NOSTRIN: variants seen among roughly 807,000 people sequenced by gnomAD.
The protein encoded by NOSTRIN is BM247 homolog.
NOSTRIN carries 63 observed loss-of-function variants against 59.0 expected under a neutral mutation model. The ratio of observed to expected loss-of-function variants is 1.07; its 90% CI spans 0.87 to 1.32. The LOEUF (loss-of-function observed/expected upper bound fraction) is 1.32, where lower values mean the gene tolerates loss of function less well. Ranked by LOEUF, NOSTRIN falls within the 40% of genes most tolerant of loss-of-function variation. The pLI is 0.00. For synonymous variants in NOSTRIN, 200 were observed against 165.4 expected (o/e 1.21, Z -1.61); for missense variants, 512 against 473.1 (o/e 1.08, Z -0.76).
intron 14 of NOSTRIN, 33 bp downstream of exon 14, chr2:168,860,942 G>A (rs1427105876): frequency 2.1e-6 from 3 of 1,406,412 alleles, no homozygotes; most frequent in Non-Finnish European, 3.0e-6. Context: ...TTTGGCCTGG[G>A]TCCTACTGGC....
In NOSTRIN at chr2:168,865,122, T is replaced by A; in HGVS notation, c.*152T>A. On this transcript the variant is annotated 3_prime_UTR_variant, in exon 16 of 16. Coordinates refer to ENST00000317647, the MANE Select transcript of NOSTRIN (RefSeq NM_001039724.4). ...CACAGCACTTTGCATTCATGATTAT[T>A]AGCTTGAAACAGTCAGAAAAAAGAT... 1.2e-6 allele frequency: 1 copy of A among 803,722 alleles called. No individual in the cohort carries two copies. The highest frequency in any genetic ancestry group is 1.9e-6 in the Non-Finnish European group (1 of 522,284). 49.8% of individuals were successfully genotyped at this position (803,722 alleles called of 1,614,324 possible).
At chr2:168,827,099 C>A (rs2105627407) in intron 3 of NOSTRIN, among the ~76,000 whole-genome samples, 1 of 152,286 alleles carries the variant, frequency 6.6e-6, no homozygotes, top group East Asian at 1.9e-4. Context: ...GGAGGCAAAA[C>A]CTCTGTACCA....
At position 168,824,303 on chromosome 2, in the gene NOSTRIN, A is replaced by AT. The variant is rs111709283; in HGVS notation, c.114-318dup. 7.9e-3 allele frequency among the ~76,000 whole-genome samples: 1,153 copies of AT among 146,296 alleles called. 18 individuals are homozygous for AT. Among genetic ancestry groups the AT allele is most frequent in the African/African-American group, 0.023 (910 of 40,074 alleles). ...GCTTGATTTCCAGCCAGCATAATCAATTTTTTTTTTTTTGAGATGGAGTCT... is the reference window on the plus strand; with the variant it reads ...GCTTGATTTCCAGCCAGCATAATCAATTTTTTTTTTTTTTGAGATGGAGTCT... On this transcript the variant is annotated intron_variant, in intron 2 of 15. Coordinates refer to ENST00000317647, the MANE Select transcript of NOSTRIN (RefSeq NM_001039724.4).
chr2:168,834,499 G>GCACACACACACACA lies in NOSTRIN; in HGVS notation c.504+175_504+176insACACACACACACAC, dbSNP rs1352968254. Among the ~76,000 whole-genome samples the GCACACACACACACA allele has an allele frequency of 6.4e-3, 184 of 28,584 alleles. No homozygotes were observed. In the South Asian group the frequency reaches 0.15, roughly 24 times the overall value. The allele number at this position is 28,584 out of a possible 152,430, so 18.8% of individuals were successfully genotyped here. On this transcript the variant is annotated intron_variant, in intron 7 of 15. Coordinates refer to ENST00000317647, the MANE Select transcript of NOSTRIN (RefSeq NM_001039724.4). ...CAAATCATTACTGGCGTGCGCGCGC[G>GCACACACACACACA]CGCGCGCGCACACACACACACACAC...
chr2:168,861,033 G>C, intron 14 of NOSTRIN, 124 bp downstream of exon 14: 1 of 618,130 alleles, frequency 1.6e-6, no homozygotes, highest in Non-Finnish European at 2.9e-6. Flanking sequence ...ATTTCCATTG[G>C]GACCGATTAA....
chr2:168,846,954 A>C (rs1338022430), intron 8 of NOSTRIN, among the ~76,000 whole-genome samples: 1 of 152,188 alleles, frequency 6.6e-6, no homozygotes, highest in South Asian at 2.1e-4. Context: ...TGAAAAAGGT[A>C]ATTTCCTTTC....
At chr2:168,804,302 C>T (rs1685736726) in intron 1 of NOSTRIN, among the ~76,000 whole-genome samples, 1 of 152,128 alleles carries the variant, frequency 6.6e-6, no homozygotes, top group African/African-American at 2.4e-5. Context: ...GACTCCTGTC[C>T]TTGTCTAAAA....
intron 1 of NOSTRIN, among the ~76,000 whole-genome samples, chr2:168,804,956 A>T (rs1252237488): frequency 6.6e-6 from 1 of 152,216 alleles, no homozygotes; most frequent in Non-Finnish European, 1.5e-5. Flanking sequence ...ATTCACCCTG[A>T]CTTCAAAATG....
intron 7 of NOSTRIN, among the ~76,000 whole-genome samples, chr2:168,837,555 C>T (rs888838591): frequency 2.0e-5 from 3 of 152,034 alleles, no homozygotes; most frequent in South Asian, 2.1e-4. Context: ...GTGATCCGCC[C>T]GCCTCGGCCT....
At chr2:168,861,114 C>CT (rs1559144567) in intron 14 of NOSTRIN, among the ~76,000 whole-genome samples, 1 of 152,186 alleles carries the variant, frequency 6.6e-6, no homozygotes, top group Non-Finnish European at 1.5e-5. Flanking sequence ...GGAAAGTATC[C>CT]TATGAGAAGT....
chr2:168,817,813 C>T (rs190657214), intron 2 of NOSTRIN, among the ~76,000 whole-genome samples: 2 of 152,224 alleles, frequency 1.3e-5, no homozygotes, highest in South Asian at 4.2e-4. Context: ...TTAAGACAAT[C>T]GATAATGCTG....
chr2:168,849,084 G>C (rs543818140), intron 8 of NOSTRIN, among the ~76,000 whole-genome samples: 1 of 152,290 alleles, frequency 6.6e-6, no homozygotes, highest in South Asian at 2.1e-4. Flanking sequence ...GGAATTTCAA[G>C]AGGTGAGCAA....
At chr2:168,816,060 G>T (rs557139585) in intron 2 of NOSTRIN, among the ~76,000 whole-genome samples, 2 of 152,194 alleles carry the variant, frequency 1.3e-5, no homozygotes, top group East Asian at 3.9e-4. Context: ...AAACTATTCT[G>T]CCTAGAAGTG....
intron 1 of NOSTRIN, among the ~76,000 whole-genome samples, chr2:168,809,875 C>T (rs944839802): frequency 1.3e-5 from 2 of 151,848 alleles, no homozygotes; most frequent in Admixed American, 6.6e-5. Context: ...GATTATTTTT[C>T]CTTCATGAGA....
chr2:168,852,588 C>G (rs1015038642), intron 10 of NOSTRIN, among the ~76,000 whole-genome samples: 17 of 152,204 alleles, frequency 1.1e-4, no homozygotes, highest in Non-Finnish European at 1.5e-4. Flanking sequence ...GGGTGTCACT[C>G]TTCTCCGATA....
intron 8 of NOSTRIN, among the ~76,000 whole-genome samples, chr2:168,849,071 G>A (rs1415450926): frequency 6.6e-6 from 1 of 152,206 alleles, no homozygotes; most frequent in Non-Finnish European, 1.5e-5. Context: ...ATGGGCTCCT[G>A]TAGGAATTTC....
chr2:168,864,577 G>A (rs946262954), intron 15 of NOSTRIN, among the ~76,000 whole-genome samples: 10 of 152,172 alleles, frequency 6.6e-5, no homozygotes, highest in African/African-American at 1.7e-4. Context: ...CACCCACCAC[G>A]CCCAGCCAAT....
At position 168,851,349 on chromosome 2, in the gene NOSTRIN, A is replaced by G; in HGVS notation, c.800A>G (p.Glu267Gly). Residue 267 changes from glutamate to glycine, a missense_variant, in exon 10 of 16, where the codon GAA becomes GGA. Transcript: ENST00000317647. ...AAAGATATCCAGGCTGTAATGGAAG[A>G]AACTGCAATTTTATCTACAGAAAAC... The part of the protein sequence containing the change: ...IEKDIQAVME[E>G]TAILSTENKS... The G allele has an allele frequency of 2.5e-6, 4 of 1,613,768 alleles. No individual in the cohort carries two copies. Among genetic ancestry groups the G allele is most frequent in the Non-Finnish European group, 2.5e-6 (3 of 1,179,962 alleles).
intron 15 of NOSTRIN, among the ~76,000 whole-genome samples, chr2:168,862,447 G>C (rs1359963273): frequency 1.3e-5 from 2 of 152,222 alleles, no homozygotes; most frequent in Admixed American, 1.3e-4. Context: ...AGGGTAGAAT[G>C]TCAGTGATGG....
Sources: allele counts gnomAD v4.1 joint callset (sites outside exome capture counted in the v4.1 genomes callset), GRCh38; gene constraint gnomAD v4.1.1; transcripts MANE v1.5; gene names NCBI Gene and HGNC (gene_info 2026-07-23, HGNC 2026-07-21).